The following PCDH15 variants were observed in gnomAD, a reference collection of about 807,000 sequenced individuals.
PCDH15 encodes the protein protocadherin-15.
In PCDH15, 129 loss-of-function variants were observed where a neutral mutation model predicts 178.5. The observed-to-expected ratio is 0.72, with a 90% CI of 0.63 to 0.84. The LOEUF is 0.84. Among genes scored for constraint, PCDH15 ranks in the 40% least tolerant of loss-of-function variants. The probability of loss-of-function intolerance (pLI) is 0.00; values close to 1 mark genes in which losing one functional copy is unlikely to be tolerated. For missense variants in PCDH15, 2,230 were observed against 2,099.9 expected, an observed-to-expected ratio of 1.06 and a Z score of -1.21; for synonymous variants, 800 against 732.0, an observed-to-expected ratio of 1.09 and a Z score of -1.50.
intron 1 of PCDH15, among the ~76,000 whole-genome samples, chr10:54,682,111 G>A (rs988961819): frequency 6.6e-6 from 1 of 152,088 alleles, no homozygotes; most frequent in Non-Finnish European, 1.5e-5. Context: ...ACCACTTGAT[G>A]TTTGTTTTTT....
intron 18 of PCDH15, among the ~76,000 whole-genome samples, chr10:54,047,180 C>T (rs1460242457): frequency 6.6e-6 from 1 of 152,070 alleles, no homozygotes; most frequent in African/African-American, 2.4e-5. Flanking sequence ...ATGGAAAACA[C>T]AATTTCAAAT....
At chr10:55,141,848 C>G (rs1350352575) in intron 2 of PCDH15, among the ~76,000 whole-genome samples, 2 of 72,670 alleles carry the variant, frequency 2.8e-5, no homozygotes, top group African/African-American at 7.1e-5. Flanking sequence ...TTCTTTAAAG[C>G]AAAAGGTTTA....
At chr10:55,354,434 C>G (rs1008641014) in intron 2 of PCDH15, among the ~76,000 whole-genome samples, 1 of 152,000 alleles carries the variant, frequency 6.6e-6, no homozygotes, top group African/African-American at 2.4e-5. Context: ...TAATAAATAA[C>G]AATACAACAG....
At chr10:54,954,654 T>G (rs1838434918) in intron 2 of PCDH15, among the ~76,000 whole-genome samples, 1 of 151,306 alleles carries the variant, frequency 6.6e-6, no homozygotes, top group South Asian at 2.1e-4. Context: ...AATGTCTAAA[T>G]AGATCTGCTT....
chr10:55,401,644 T>C (rs1050127379), intron 2 of PCDH15, among the ~76,000 whole-genome samples: 3 of 127,382 alleles, frequency 2.4e-5, no homozygotes, highest in African/African-American at 1.1e-4. Context: ...GTGTAGTGAG[T>C]AGCCACTAGG....
intron 10 of PCDH15, among the ~76,000 whole-genome samples, chr10:54,207,200 G>A (rs1455399566): frequency 4.6e-5 from 7 of 152,040 alleles, no homozygotes; most frequent in Non-Finnish European, 7.4e-5. Flanking sequence ...CATGAATAAC[G>A]ATATGAGACA....
At chr10:54,161,556 T>A (rs11004107) in intron 13 of PCDH15, among the ~76,000 whole-genome samples, 1 of 151,688 alleles carries the variant, frequency 6.6e-6, no homozygotes, top group Non-Finnish European at 1.5e-5. Flanking sequence ...TGATGTTTAC[T>A]GGTCTTTGAA....
intron 2 of PCDH15, among the ~76,000 whole-genome samples, chr10:54,967,984 G>T (rs1404433285): frequency 1.3e-5 from 2 of 152,068 alleles, no homozygotes; most frequent in African/African-American, 4.8e-5. Flanking sequence ...ATTTTACCTT[G>T]TCTCCAAATA....
chr10:55,401,684 T>G (rs1403482808), intron 2 of PCDH15, among the ~76,000 whole-genome samples: 1 of 150,868 alleles, frequency 6.6e-6, no homozygotes, highest in Non-Finnish European at 1.5e-5. Context: ...CAGGCTGTGT[T>G]AAATAGATAA....
At chr10:54,494,320 C>T (rs576195673) in intron 3 of PCDH15, among the ~76,000 whole-genome samples, 1 of 152,192 alleles carries the variant, frequency 6.6e-6, no homozygotes, top group South Asian at 2.1e-4. Flanking sequence ...TCCCATACAA[C>T]TTAGATAAGA....
chr10:54,001,176 A>G (rs562159628), intron 20 of PCDH15, among the ~76,000 whole-genome samples: 10 of 152,298 alleles, frequency 6.6e-5, no homozygotes, highest in African/African-American at 2.4e-4. Context: ...CCTGTCCTAT[A>G]AGAAATTCTA....
At chr10:55,502,848 C>T (rs188843745) in intron 2 of PCDH15, among the ~76,000 whole-genome samples, 189 of 151,306 alleles carry the variant, frequency 1.2e-3, no homozygotes, top group African/African-American at 4.1e-3. Context: ...TCTTTTTTTT[C>T]GTGTTTTGAA....
intron 14 of PCDH15, among the ~76,000 whole-genome samples, chr10:54,141,242 C>T (rs891294232): frequency 6.6e-6 from 1 of 151,790 alleles, no homozygotes; most frequent in African/African-American, 2.4e-5. Context: ...TTGAAAGTTC[C>T]TAAACTACCT....
intron 14 of PCDH15, among the ~76,000 whole-genome samples, chr10:54,145,226 T>C (rs530889491): frequency 1.2e-4 from 19 of 152,186 alleles, no homozygotes; most frequent in African/African-American, 3.4e-4. Context: ...CAATAGTAAT[T>C]AGTAGTAATG....
chr10:54,821,698 C>T lies in PCDH15; in HGVS notation c.-29+75752G>A, dbSNP rs534504914. ...ATGTAAAAGTAATCCGGTCTTCTGG[C>T]TACTATGAATTATCTTTTTGTTGTT... On this transcript the variant is annotated intron_variant, in intron 3 of 5. Coordinates refer to the PCDH15 transcript ENST00000458638. Among the ~76,000 whole-genome samples the T allele has an allele frequency of 2.3e-4, 35 of 152,124 alleles. 1 individual carries two copies. In the South Asian group the frequency reaches 7.0e-3, roughly 31 times the overall value.
At chr10:54,796,284 ATC>A (rs1951993642) in intron 1 of PCDH15, among the ~76,000 whole-genome samples, 2 of 113,894 alleles carry the variant, frequency 1.8e-5, no homozygotes, top group South Asian at 6.1e-4. Flanking sequence ...GTATCTATGT[ATC>A]TATCTATCTA....
rs201911540 is a variant in PCDH15 at position 54,728,641 on chromosome 10, A to C, written c.-28-64351T>G. ...ATGCATCCAAATAGAGAGGTATTCA[A>C]ACTATCTCTGTAGACAATGGGATTC... is the stretch of plus-strand genomic sequence containing the variant. On this transcript the variant is annotated intron_variant, in intron 1 of 37. Coordinates refer to ENST00000644397, the MANE Select transcript of PCDH15 (RefSeq NM_001384140.1). Among the ~76,000 whole-genome samples the C allele has an allele frequency of 1.7e-4, 25 of 151,294 alleles. No homozygotes were observed. In the East Asian group the frequency reaches 4.9e-3, roughly 30 times the overall value.
chr10:54,905,319 C>T (rs2131829182), intron 2 of PCDH15, among the ~76,000 whole-genome samples: 1 of 152,152 alleles, frequency 6.6e-6, no homozygotes. Context: ...ATTATTTTAT[C>T]ATCATAAGCA....
chr10:55,240,083 T>C lies in PCDH15; in HGVS notation c.-155-73432A>G, dbSNP rs1254696442. 6.6e-5 allele frequency among the ~76,000 whole-genome samples: 10 copies of C among 152,248 alleles called. No individual in the cohort carries two copies. In the East Asian group the frequency reaches 1.5e-3, roughly 24 times the overall value. On this transcript the variant is annotated intron_variant, in intron 1 of 5. Transcript: ENST00000458638. Reference sequence around the variant, plus strand: ...AACCCTTGTACACTGTTGATGGAAATGCAAATTAGTATACCCACTGTGAAT... The same window carrying C: ...AACCCTTGTACACTGTTGATGGAAACGCAAATTAGTATACCCACTGTGAAT...
Sources: allele counts gnomAD v4.1 joint callset (sites outside exome capture counted in the v4.1 genomes callset), GRCh38; gene constraint gnomAD v4.1.1; transcripts MANE v1.5; gene names NCBI Gene and HGNC (gene_info 2026-07-23, HGNC 2026-07-21).